PKP2: variants seen among roughly 807,000 people sequenced by gnomAD.
PKP2 encodes plakophilin-2.
PKP2 carries 73 observed loss-of-function variants against 83.4 expected under a neutral mutation model. The ratio of observed to expected loss-of-function variants is 0.88; its 90% CI spans 0.72 to 1.06. The LOEUF (loss-of-function observed/expected upper bound fraction) is 1.06. PKP2 is among the 50% of genes least tolerant of loss of function. PKP2 has a pLI of 0.00. For missense variants in PKP2, 966 were observed against 1,065.4 expected (o/e 0.91, Z 1.30); for synonymous variants, 409 against 430.4 (o/e 0.95, Z 0.62).
Position 32,792,668 on chromosome 12 carries a change from C to T in PKP2, c.2421G>A (p.Thr807=), listed in dbSNP as rs199900632. 10 of 1,613,914 alleles carry T rather than the reference C, an allele frequency of 6.2e-6. No individual in the cohort carries two copies. In the Admixed American group the frequency reaches 8.3e-5, roughly 13 times the overall value. Residue 807 remains threonine, a synonymous_variant, in exon 12 of 13, where the codon ACG becomes ACA. Coordinates refer to ENST00000340811, the MANE Select transcript of PKP2 (RefSeq NM_001005242.3). ...SVLLYSLWAH[T]ELHHAYKKAQ... ...CCTTCTTGTAGGCATGATGCAGTTC[C>T]GTGTGTGCCCACAGAGAATACAGAA...
intron 6 of PKP2, among the ~76,000 whole-genome samples, chr12:32,837,966 G>T (rs1338805969): frequency 6.6e-6 from 1 of 152,118 alleles, no homozygotes; most frequent in African/African-American, 2.4e-5. Flanking sequence ...ATTCAATCCA[G>T]CAATCCCATT....
At position 32,798,084 on chromosome 12, in the gene PKP2, G is replaced by GT. The variant is rs10623676; in HGVS notation, c.2168-1787dup. Among the ~76,000 whole-genome samples, 85 of 124,150 alleles carry GT rather than the reference G, an allele frequency of 6.8e-4. 8 individuals carry two copies. The highest frequency in any genetic ancestry group is 1.4e-3 in the East Asian group (6 of 4,192). The allele number at this position is 124,150 out of a possible 152,430, so 81.4% of individuals were successfully genotyped here. ...CCAATACATAAGTAATACTACTCTT[G>GT]TTTTTTTTTTTTTTTTGGAGATGGA... On this transcript the variant is annotated intron_variant, in intron 10 of 12. Transcript: ENST00000340811.
chr12:32,811,270 G>T (rs1313191880), intron 9 of PKP2, among the ~76,000 whole-genome samples: 1 of 152,170 alleles, frequency 6.6e-6, no homozygotes, highest in Non-Finnish European at 1.5e-5. Context: ...GCACATCCCA[G>T]CATATTCTGT....
chr12:32,792,850 G>A, intron 11 of PKP2, 119 bp from the exon 12 acceptor site: 1 of 781,496 alleles, frequency 1.3e-6, no homozygotes, highest in Non-Finnish European at 2.3e-6. Flanking sequence ...AGCCATCCAT[G>A]AAGTCAGGCC....
In PKP2 at chr12:32,810,674, C is replaced by CTTTTTT. The variant is rs1565577312; in HGVS notation, c.2014-8119_2014-8118insAAAAAA. Among the ~76,000 whole-genome samples, 16 of 39,466 alleles carry CTTTTTT rather than the reference C, an allele frequency of 4.1e-4. 1 individual carries two copies. The highest frequency in any genetic ancestry group is 8.8e-4 in the African/African-American group (16 of 18,082). The allele number at this position is 39,466 out of a possible 152,430, so 25.9% of individuals were successfully genotyped here. On this transcript the variant is annotated intron_variant, in intron 9 of 12. Transcript: ENST00000340811. ...TTTAGGGGAAAGTACATAGAATAAA[C>CTTTTTT]ATTTTTTTTTTTTTTTTTTTTTTTT...
At chr12:32,816,094 A>C (rs973867932) in intron 9 of PKP2, among the ~76,000 whole-genome samples, 2 of 152,122 alleles carry the variant, frequency 1.3e-5, no homozygotes, top group African/African-American at 4.8e-5. Context: ...AAAAATTTCA[A>C]CTTTTAGATT....
At chr12:32,862,645 CAAAAAGAAAA>C (rs1956810594) in intron 4 of PKP2, among the ~76,000 whole-genome samples, 1 of 149,844 alleles carries the variant, frequency 6.7e-6, no homozygotes, top group South Asian at 2.1e-4. Flanking sequence ...AACTCCGTCT[CAAAAAGAAAA>C]GAAAAGAAAA....
At position 32,796,284 on chromosome 12, in the gene PKP2, G is replaced by A; in HGVS notation, c.2182C>T (p.Pro728Ser). Residue 728 changes from proline to serine, a missense_variant, in exon 11 of 13, where the codon CCT becomes TCT. Coordinates refer to ENST00000340811, the MANE Select transcript of PKP2 (RefSeq NM_001005242.3). ...TCAGGAATGATGGAAACCAAATCAG[G>A]GAGAGTTTCTTTGGCTACAAAATGA... ...LQNEIAKETL[P>S]DLVSIIPDTV... is the part of the protein sequence containing the mutation. The A allele has an allele frequency of 3.7e-6, 6 of 1,612,748 alleles. No homozygotes were observed. The East Asian group carries it at 1.3e-4, about 36-fold the overall frequency.
Position 32,796,268 on chromosome 12 carries a change from A to G in PKP2, c.2198T>C (p.Ile733Thr). 1 of 1,613,204 alleles carries G rather than the reference A, an allele frequency of 6.2e-7. No homozygotes were observed. The highest frequency in any genetic ancestry group is 8.5e-7 in the Non-Finnish European group (1 of 1,179,392). The change falls in exon 11 of 13, where the codon ATC becomes ACC. Residue 733 changes from isoleucine (I) to threonine (T), a missense_variant. Physicochemically the swap from Ile to Thr is moderately conservative, Grantham distance 89. Transcript: ENST00000340811. ...AGTACTCGGGACTGTGTCAGGAATG[A>G]TGGAAACCAAATCAGGGAGAGTTTC... The part of the protein sequence containing the change: ...AKETLPDLVS[I>T]IPDTVPSTDL...
chr12:32,885,479 G>GCCTGTCTCTAAAACATAAAATACAAAC (rs1474153824), intron 1 of PKP2, among the ~76,000 whole-genome samples: 1 of 152,118 alleles, frequency 6.6e-6, no homozygotes, highest in African/African-American at 2.4e-5. Context: ...CACGGGGAAA[G>GCCTGTCTCTAAAACATAAAATACAAAC]CCTGTCTCTA....
At chr12:32,831,321 TATA>T (rs1157475337) in intron 6 of PKP2, among the ~76,000 whole-genome samples, 3 of 152,210 alleles carry the variant, frequency 2.0e-5, no homozygotes, top group Non-Finnish European at 4.4e-5. Context: ...ACTCACTTTT[TATA>T]ATAATGAATA....
chr12:32,807,017 G>C (rs921550990), intron 9 of PKP2, among the ~76,000 whole-genome samples: 1 of 152,124 alleles, frequency 6.6e-6, no homozygotes, highest in Non-Finnish European at 1.5e-5. Context: ...GTGTGGTTTT[G>C]AGTGAATTTC....
chr12:32,839,561 T>C (rs1956570776), intron 6 of PKP2, among the ~76,000 whole-genome samples: 1 of 151,918 alleles, frequency 6.6e-6, no homozygotes, highest in Admixed American at 6.6e-5. Context: ...AAAAAGGGAA[T>C]ACGGTCATGG....
At chr12:32,815,887 G>T (rs1003232291) in intron 9 of PKP2, among the ~76,000 whole-genome samples, 4 of 152,190 alleles carry the variant, frequency 2.6e-5, no homozygotes, top group African/African-American at 7.2e-5. Context: ...GAAGTAGGAT[G>T]ACCTTTAGAA....
chr12:32,871,131 C>A (rs1178594794), intron 3 of PKP2, among the ~76,000 whole-genome samples: 1 of 152,020 alleles, frequency 6.6e-6, no homozygotes, highest in Non-Finnish European at 1.5e-5. Context: ...TTTCCTCCCC[C>A]TCCTTGGATC....
chr12:32,852,637 T>G (rs1236735581), intron 4 of PKP2, among the ~76,000 whole-genome samples: 1 of 152,186 alleles, frequency 6.6e-6, no homozygotes, highest in South Asian at 2.1e-4. Flanking sequence ...GTACTCTTGA[T>G]TCCTTTAAGG....
Position 32,791,261 on chromosome 12 carries a change from T to C in PKP2, c.*1163A>G, listed in dbSNP as rs1007138945. On this transcript the variant is annotated 3_prime_UTR_variant, in exon 13 of 13. Coordinates refer to ENST00000340811, the MANE Select transcript of PKP2 (RefSeq NM_001005242.3). ...ATATCAGTATTTCTCATATCATTTC[T>C]GGATGGTCTTGACACATTCTTACAT... The C allele has an allele frequency of 1.3e-5, 2 of 152,252 alleles. No individual in the cohort carries two copies. Among genetic ancestry groups the C allele is most frequent in the Non-Finnish European group, 2.9e-5 (2 of 68,046 alleles). 9.4% of individuals were successfully genotyped at this position (152,252 alleles called of 1,614,324 possible).
chr12:32,840,925 G>A, intron 6 of PKP2, 103 bp downstream of exon 6: 1 of 816,112 alleles, frequency 1.2e-6, no homozygotes, highest in Non-Finnish European at 2.1e-6. Flanking sequence ...CAAACAAACT[G>A]TGTAACTAGA....
rs151218919 is a variant in PKP2 at position 32,792,989 on chromosome 12, G to A, written c.2358-258C>T. On this transcript the variant is annotated intron_variant, in intron 11 of 12. Coordinates refer to ENST00000340811, the MANE Select transcript of PKP2 (RefSeq NM_001005242.3). ...TTATAGGCCAGGTGGGGTGGCTCAC[G>A]CCTGTAATCCCAGCACTTTTGGGAG... The A allele has an allele frequency of 1.3e-4, 57 of 442,370 alleles. 1 individual carries two copies. The highest frequency in any genetic ancestry group is 7.2e-4 in the Middle Eastern group (1 of 1,384). The allele number at this position is 442,370 out of a possible 1,614,324, so 27.4% of individuals were successfully genotyped here.
Sources: allele counts gnomAD v4.1 joint callset (sites outside exome capture counted in the v4.1 genomes callset), GRCh38; gene constraint gnomAD v4.1.1; transcripts MANE v1.5; gene names NCBI Gene and HGNC (gene_info 2026-07-23, HGNC 2026-07-21).